The following SDK1 variants were observed in gnomAD, a reference collection of about 807,000 sequenced individuals.
SDK1 encodes sidekick cell adhesion molecule 1.
SDK1 carries 157 observed loss-of-function variants against 245.5 expected under a neutral mutation model. The ratio of observed to expected loss-of-function variants is 0.64; its 90% CI spans 0.56 to 0.73. The LOEUF (loss-of-function observed/expected upper bound fraction) is 0.73. Among genes scored for constraint, SDK1 ranks in the 30% least tolerant of loss-of-function variants. The probability of loss-of-function intolerance (pLI) is 0.00; values close to 1 mark genes in which losing one functional copy is unlikely to be tolerated. For missense variants in SDK1, 3,583 were observed against 3,002.3 expected, an observed-to-expected ratio of 1.19 and a Z score of -4.52; for synonymous variants, 1,647 against 1,278.5, an observed-to-expected ratio of 1.29 and a Z score of -6.15.
intron 1 of SDK1, among the ~76,000 whole-genome samples, chr7:3,412,425 A>C (rs1779235693): frequency 2.6e-5 from 4 of 152,136 alleles, no homozygotes. Context: ...GCAGTTTGTG[A>C]CTATGTAATT....
intron 5 of SDK1, among the ~76,000 whole-genome samples, chr7:3,841,446 A>G (rs1445662353): frequency 1.3e-5 from 2 of 152,166 alleles, no homozygotes; most frequent in African/African-American, 4.8e-5. Context: ...ACTGCGTATT[A>G]TTTGAGAAGG....
Position 3,733,805 on chromosome 7 carries a change from C to T in SDK1, c.714-87645C>T, listed in dbSNP as rs114088739. Among the ~76,000 whole-genome samples the T allele has an allele frequency of 2.4e-3, 359 of 152,302 alleles. 3 individuals are homozygous for T. The highest frequency in any genetic ancestry group is 8.4e-3 in the African/African-American group (347 of 41,548). ...GGCCCTTCCCTACAGGAGGCTGTAACACTCATAACGCCGATTATGACTATT... is the reference window on the plus strand; with the variant it reads ...GGCCCTTCCCTACAGGAGGCTGTAATACTCATAACGCCGATTATGACTATT... On this transcript the variant is annotated intron_variant, in intron 4 of 44. Coordinates refer to ENST00000404826, the MANE Select transcript of SDK1 (RefSeq NM_152744.4).
chr7:3,818,410 A>G (rs1440829861), intron 4 of SDK1, among the ~76,000 whole-genome samples: 1 of 152,224 alleles, frequency 6.6e-6, no homozygotes, highest in Non-Finnish European at 1.5e-5. Context: ...AGCAAAAGTG[A>G]TATTTATTGT....
At chr7:3,733,853 A>C (rs1051528501) in intron 4 of SDK1, among the ~76,000 whole-genome samples, 1 of 152,186 alleles carries the variant, frequency 6.6e-6, no homozygotes, top group African/African-American at 2.4e-5. Flanking sequence ...TGGCTTCCAG[A>C]TCTGAACAGA....
At chr7:3,520,416 T>C (rs1375575369) in intron 1 of SDK1, among the ~76,000 whole-genome samples, 1 of 152,196 alleles carries the variant, frequency 6.6e-6, no homozygotes, top group Admixed American at 6.6e-5. Context: ...TAACAGGCTG[T>C]GTGTAAAAGC....
intron 1 of SDK1, among the ~76,000 whole-genome samples, chr7:3,530,431 T>A (rs149684557): frequency 6.6e-6 from 1 of 152,176 alleles, no homozygotes; most frequent in Non-Finnish European, 1.5e-5. Flanking sequence ...TAAAGGAAAA[T>A]TTGTCTTTTG....
intron 4 of SDK1, among the ~76,000 whole-genome samples, chr7:3,742,114 G>T (rs530618416): frequency 1.3e-5 from 2 of 149,964 alleles, no homozygotes; most frequent in Admixed American, 1.3e-4. Context: ...CATACATCTG[G>T]TTGTATTAAA....
At chr7:3,431,149 C>A (rs1311629336) in intron 1 of SDK1, among the ~76,000 whole-genome samples, 1 of 152,118 alleles carries the variant, frequency 6.6e-6, no homozygotes, top group Non-Finnish European at 1.5e-5. Context: ...GATCCGCTTG[C>A]CTCAGCGTCC....
chr7:3,375,636 G>A (rs1781335565), intron 1 of SDK1, among the ~76,000 whole-genome samples: 1 of 152,140 alleles, frequency 6.6e-6, no homozygotes, highest in Admixed American at 6.5e-5. Flanking sequence ...CTTTCGTGAG[G>A]ACACTCAAGC....
chr7:3,948,049 C>T (rs1780648733), intron 5 of SDK1, among the ~76,000 whole-genome samples: 1 of 152,122 alleles, frequency 6.6e-6, no homozygotes, highest in Non-Finnish European at 1.5e-5. Context: ...ATACCAGGAT[C>T]ATGTACTACA....
chr7:4,182,610 C>T (rs915377701), intron 35 of SDK1, among the ~76,000 whole-genome samples: 1 of 152,206 alleles, frequency 6.6e-6, no homozygotes, highest in South Asian at 2.1e-4. Context: ...AGAAGCTCCT[C>T]ATCCTGAGGG....
At chr7:4,009,264 G>A (rs917364859) in intron 14 of SDK1, among the ~76,000 whole-genome samples, 19 of 152,304 alleles carry the variant, frequency 1.2e-4, no homozygotes, top group Non-Finnish European at 1.9e-4. Flanking sequence ...GAATGAGAAC[G>A]GTATTTCCAT....
intron 20 of SDK1, among the ~76,000 whole-genome samples, chr7:4,074,145 T>A (rs1305792345): frequency 6.6e-6 from 1 of 152,114 alleles, no homozygotes; most frequent in African/African-American, 2.4e-5. Flanking sequence ...CTGGGCAGGC[T>A]GATAAGAACA....
intron 1 of SDK1, among the ~76,000 whole-genome samples, chr7:3,448,230 T>A (rs2128590793): frequency 6.6e-6 from 1 of 152,322 alleles, no homozygotes; most frequent in South Asian, 2.1e-4. Context: ...AACTGCTATC[T>A]CGTTGCTTTA....
At chr7:3,738,092 C>G (rs1216955687) in intron 4 of SDK1, among the ~76,000 whole-genome samples, 2 of 152,184 alleles carry the variant, frequency 1.3e-5, no homozygotes, top group Non-Finnish European at 2.9e-5. Flanking sequence ...GTTGCCTGTC[C>G]TTTTCTTGTT....
At chr7:3,831,603 C>T (rs1490038543) in intron 5 of SDK1, among the ~76,000 whole-genome samples, 1 of 152,080 alleles carries the variant, frequency 6.6e-6, no homozygotes, top group Non-Finnish European at 1.5e-5. Context: ...GAGTGTAGGC[C>T]TGATATCCTA....
rs1348821336 is a variant in SDK1, at chr7:3,942,591, T to TA, written c.848-8332_848-8331insA. Among the ~76,000 whole-genome samples the TA allele has an allele frequency of 6.2e-5, 8 of 128,806 alleles. No individual in the cohort carries two copies. The South Asian group carries it at 1.7e-3, about 28-fold the overall frequency. 84.5% of individuals were successfully genotyped at this position (128,806 alleles called of 152,430 possible). On this transcript the variant is annotated intron_variant, in intron 5 of 44. Coordinates refer to ENST00000404826, the MANE Select transcript of SDK1 (RefSeq NM_152744.4). ...GTCTTTTTCCGTGTGTGTGTGTGTT[T>TA]TAAAAAAATGTTTTCTCTTGTTTCT...
intron 5 of SDK1, among the ~76,000 whole-genome samples, chr7:3,924,773 C>T (rs1779710597): frequency 6.6e-6 from 1 of 152,156 alleles, no homozygotes; most frequent in African/African-American, 2.4e-5. Flanking sequence ...TTACCCGTCG[C>T]CCTCCTCCTA....
chr7:3,915,925 C>T (rs1487358022), intron 5 of SDK1, among the ~76,000 whole-genome samples: 2 of 152,102 alleles, frequency 1.3e-5, no homozygotes, highest in South Asian at 2.1e-4. Flanking sequence ...CTTTATTAAG[C>T]GGAAGGAGAT....
Sources: gnomAD v4.1 joint callset for allele counts (sites outside exome capture counted in the v4.1 genomes callset) on GRCh38, gnomAD v4.1.1 for gene constraint, MANE v1.5 for transcripts, NCBI Gene and HGNC (gene_info 2026-07-23, HGNC 2026-07-21) for gene names.